NAV3: variants seen among roughly 807,000 people sequenced by gnomAD.
The protein encoded by NAV3 is pore membrane and/or filament interacting like protein 1.
A neutral mutation model predicts 244.7 loss-of-function variants in NAV3; 87 were observed. The ratio of observed to expected loss-of-function variants is 0.36; its 90% confidence interval spans 0.30 to 0.42. The LOEUF is 0.42. Ranked by LOEUF, NAV3 falls within the 20% of genes least tolerant of loss-of-function variation. NAV3 has a pLI of 1.00. For missense variants in NAV3, 2,663 were observed against 2,893.3 expected (o/e 0.92, Z 1.83); for synonymous variants, 1,126 against 1,042.2 (o/e 1.08, Z -1.55).
intron 23 of NAV3, among the ~76,000 whole-genome samples, chr12:78,163,197 A>G (rs1435173876): frequency 1.3e-5 from 2 of 151,840 alleles, no homozygotes; most frequent in African/African-American, 2.4e-5. Context: ...ACATGGCATT[A>G]ATAGCCTGAA....
At chr12:77,970,719 G>GA (rs1423336397) in intron 5 of NAV3, among the ~76,000 whole-genome samples, 1 of 152,034 alleles carries the variant, frequency 6.6e-6, no homozygotes, top group East Asian at 1.9e-4. Context: ...AAGTTTCTTG[G>GA]ATGTTTGTAA....
chr12:77,966,382 T>A, intron 4 of NAV3, 81 bp downstream of exon 4: 1 of 1,179,892 alleles, frequency 8.5e-7, no homozygotes. Context: ...AATGTAACAT[T>A]GGAGTATACG....
intron 2 of NAV3, among the ~76,000 whole-genome samples, chr12:77,572,859 G>A (rs1868892919): frequency 6.6e-6 from 1 of 152,194 alleles, no homozygotes; most frequent in Non-Finnish European, 1.5e-5. Flanking sequence ...GAGCTTTTTA[G>A]TAAGAAGTGG....
upstream of NAV3, among the ~76,000 whole-genome samples, chr12:77,826,500 C>T (rs943090879): frequency 6.6e-6 from 1 of 152,010 alleles, no homozygotes; most frequent in South Asian, 2.1e-4. Flanking sequence ...CCCCTCCCCC[C>T]AAAAAATTAT....
Position 77,657,069 on chromosome 12 carries a change from A to G in NAV3, c.72+84803A>G, listed in dbSNP as rs1363354262. On this transcript the variant is annotated intron_variant, in intron 2 of 8. Coordinates refer to the NAV3 transcript ENST00000550042. ...AAGAACTAGAAAAGCAAGAGCAAAC[A>G]CATTCAAAAGCTAGCAGGGGCAGAA... is the stretch of plus-strand genomic sequence containing the variant. Among the ~76,000 whole-genome samples the G allele has an allele frequency of 5.3e-5, 8 of 152,350 alleles. No homozygotes were observed. The East Asian group carries it at 1.5e-3, about 29-fold the overall frequency.
intron 2 of NAV3, among the ~76,000 whole-genome samples, chr12:77,677,828 T>C (rs1304614641): frequency 1.3e-5 from 2 of 152,218 alleles, no homozygotes; most frequent in Non-Finnish European, 2.9e-5. Context: ...CATTGCGCTG[T>C]TCAAAAATAA....
chr12:77,611,605 T>C (rs1004397451), intron 2 of NAV3, among the ~76,000 whole-genome samples: 4 of 151,890 alleles, frequency 2.6e-5, no homozygotes, highest in South Asian at 2.1e-4. Flanking sequence ...GAAGCAACTA[T>C]AGTTAACAGG....
chr12:77,765,956 A>C (rs750565089), intron 2 of NAV3, among the ~76,000 whole-genome samples: 6 of 152,200 alleles, frequency 3.9e-5, no homozygotes, highest in Non-Finnish European at 7.3e-5. Context: ...GAGAAATGTG[A>C]AATTATTGTT....
intron 2 of NAV3, among the ~76,000 whole-genome samples, chr12:77,620,366 GA>G (rs1380094062): frequency 2.0e-5 from 3 of 152,078 alleles, no homozygotes; most frequent in African/African-American, 7.2e-5. Flanking sequence ...AGTTGCTGAG[GA>G]AAAAATGCAG....
chr12:77,904,238 C>G (rs1885677893), intron 1 of NAV3, among the ~76,000 whole-genome samples: 1 of 152,150 alleles, frequency 6.6e-6, no homozygotes, highest in Non-Finnish European at 1.5e-5. Flanking sequence ...AGACTTGGAA[C>G]CAAGCCAAAT....
chr12:77,884,383 G>T (rs1883034754), intron 1 of NAV3, among the ~76,000 whole-genome samples: 1 of 152,096 alleles, frequency 6.6e-6, no homozygotes, highest in Admixed American at 6.6e-5. Flanking sequence ...ACAAGCTGGA[G>T]GCTCAAAGAT....
In NAV3 at chr12:77,781,782, A is replaced by G. The variant is rs1032727191; in HGVS notation, c.73-158537A>G. On this transcript the variant is annotated intron_variant, in intron 2 of 8. Transcript: ENST00000550042. ...GGGAAGCAACTTTGTGCCCACAAGC[A>G]TGGTTCTTGGCAATATTTAGTGAAT... is the stretch of plus-strand genomic sequence containing the variant. Among the ~76,000 whole-genome samples, 4 of 152,192 alleles carry G rather than the reference A, an allele frequency of 2.6e-5. No individual in the cohort carries two copies. The East Asian group carries it at 7.7e-4, about 29-fold the overall frequency.
chr12:78,022,516 G>A (rs2136829957), intron 9 of NAV3, among the ~76,000 whole-genome samples: 1 of 152,230 alleles, frequency 6.6e-6, no homozygotes, highest in African/African-American at 2.4e-5. Context: ...CCTAAAGGGT[G>A]AGAGAGTACA....
At chr12:77,984,597 G>C (rs1180305236) in intron 5 of NAV3, among the ~76,000 whole-genome samples, 2 of 151,830 alleles carry the variant, frequency 1.3e-5, no homozygotes, top group Non-Finnish European at 2.9e-5. Flanking sequence ...TAACAGATGA[G>C]AAACTAGGCA....
intron 9 of NAV3, among the ~76,000 whole-genome samples, chr12:78,022,754 C>T (rs1341489879): frequency 6.6e-6 from 1 of 152,116 alleles, no homozygotes; most frequent in Non-Finnish European, 1.5e-5. Context: ...TAAGAAACTT[C>T]CCCACTTCGG....
intron 1 of NAV3, among the ~76,000 whole-genome samples, chr12:77,845,202 C>G (rs140862861): frequency 2.5e-4 from 38 of 152,212 alleles, no homozygotes; most frequent in African/African-American, 8.7e-4. Context: ...TTGTGGAATA[C>G]AAATACACTT....
rs1892353560 is a variant in NAV3, at chr12:77,964,634, G to T, written c.415-1595G>T. ...AGCGGCAGAATGAAATATGAAGAAAGGAAAGAATTAATATATATTTCAGCA... is the reference window on the plus strand; with the variant it reads ...AGCGGCAGAATGAAATATGAAGAAATGAAAGAATTAATATATATTTCAGCA... On this transcript the variant is annotated intron_variant, in intron 3 of 39. Transcript: ENST00000397909. Among the ~76,000 whole-genome samples the T allele has an allele frequency of 2.0e-5, 3 of 152,188 alleles. No individual in the cohort carries two copies. In the South Asian group the frequency reaches 6.2e-4, roughly 32 times the overall value.
At chr12:78,008,129 A>G (rs1246377183) in intron 8 of NAV3, among the ~76,000 whole-genome samples, 1 of 152,122 alleles carries the variant, frequency 6.6e-6, no homozygotes, top group Non-Finnish European at 1.5e-5. Flanking sequence ...TGTAAATTTT[A>G]TATTAATTTC....
chr12:78,094,015 A>AT (rs1156399482), intron 12 of NAV3, among the ~76,000 whole-genome samples: 1 of 151,956 alleles, frequency 6.6e-6, no homozygotes, highest in Non-Finnish European at 1.5e-5. Flanking sequence ...TAAATTTTTA[A>AT]TTTTTTTAGA....
Sources: allele counts gnomAD v4.1 joint callset (sites outside exome capture counted in the v4.1 genomes callset), GRCh38; gene constraint gnomAD v4.1.1; transcripts MANE v1.5; gene names NCBI Gene and HGNC (gene_info 2026-07-23, HGNC 2026-07-21).